CST5: variants seen among roughly 807,000 people sequenced by gnomAD.
CST5 encodes the protein cystatin-D.
A neutral mutation model predicts 11.5 loss-of-function variants in CST5; 13 were observed. The observed-to-expected ratio is 1.13, with a 90% CI of 0.73 to 1.79. The LOEUF is 1.79. Ranked by LOEUF, CST5 falls within the 40% of genes most tolerant of loss-of-function variation. The pLI, the probability that CST5 is intolerant of heterozygous loss-of-function variation, is 0.00. For missense variants in CST5, 219 were observed against 174.5 expected (o/e 1.25, Z -1.44); for synonymous variants, 81 against 67.6 (o/e 1.20, Z -0.97).
chr20:23,876,042 AG>A lies in CST5; in HGVS notation c.*145del. On this transcript the variant is annotated 3_prime_UTR_variant, in exon 3 of 3. Coordinates refer to ENST00000304710, the MANE Select transcript of CST5 (RefSeq NM_001900.5). ...GGCAGAGCCTCCTGCTGAGCAACAA[AG>A]GCCTCCTGCCACCTTCTGTGTCTGT... is the stretch of plus-strand genomic sequence containing the variant. 1.6e-6 allele frequency: 1 copy of A among 612,114 alleles called. No homozygotes were observed. The highest frequency in any genetic ancestry group is 2.9e-5 in the Admixed American group (1 of 34,824). The allele number at this position is 612,114 out of a possible 1,614,324, so 37.9% of individuals were successfully genotyped here.
chr20:23,875,952 T>C lies in CST5; in HGVS notation c.*236A>G, dbSNP rs1480053503. On this transcript the variant is annotated 3_prime_UTR_variant, in exon 3 of 3. Transcript: ENST00000304710. Reference sequence around the variant, plus strand: ...AGAGGGAGGCAATGCTACTGTTTAATTGCAGGAGGTGGGAGAGTGTGCACT... The same window carrying C: ...AGAGGGAGGCAATGCTACTGTTTAACTGCAGGAGGTGGGAGAGTGTGCACT... The C allele has an allele frequency of 2.7e-6, 1 of 376,982 alleles. No homozygotes were observed. The highest frequency in any genetic ancestry group is 4.2e-5 in the Admixed American group (1 of 23,578). The allele number at this position is 376,982 out of a possible 1,614,324, so 23.4% of individuals were successfully genotyped here. A position where few individuals can be genotyped will look rare whatever the true frequency, so the allele number is the denominator to read the frequency against.
chr20:23,876,303 G>T (rs1985960484), intron 2 of CST5, 32 bp from the exon 3 acceptor site: 2 of 1,556,996 alleles, frequency 1.3e-6, no homozygotes, highest in South Asian at 1.1e-5. Flanking sequence ...GAAAATGACT[G>T]TGGGTTACAG....
At chr20:23,878,776 C>T (rs1413396129) in intron 1 of CST5, among the ~76,000 whole-genome samples, 3 of 152,242 alleles carry the variant, frequency 2.0e-5, no homozygotes, top group Admixed American at 1.3e-4. Flanking sequence ...TGCTGCTCTG[C>T]CATGGGACGT....
intron 1 of CST5, 43 bp downstream of exon 1, chr20:23,879,403 C>T: frequency 6.5e-7 from 1 of 1,543,274 alleles, no homozygotes; most frequent in Non-Finnish European, 8.9e-7. Flanking sequence ...AGGCAAAAAA[C>T]CCAGCTGGGA....
At position 23,876,799 on chromosome 20, in the gene CST5, C is replaced by T. The variant is rs189242919; in HGVS notation, c.346-528G>A. On this transcript the variant is annotated intron_variant, in intron 2 of 2. Transcript: ENST00000304710. ...TGATGTTGGGTGAGCTGGGGCAGGT[C>T]CAGGGCTTCTCAGCTAACAGGCATT... is the stretch of plus-strand genomic sequence containing the variant. Among the ~76,000 whole-genome samples the T allele has an allele frequency of 3.1e-3, 476 of 152,260 alleles. 7 individuals carry two copies. The highest frequency in any genetic ancestry group is 4.4e-3 in the Non-Finnish European group (298 of 68,024).
Position 23,876,181 on chromosome 20 carries a change from C to G in CST5, c.*7G>C, listed in dbSNP as rs1174878025. 5.0e-6 allele frequency: 8 copies of G among 1,611,016 alleles called. No homozygotes were observed. In the Admixed American group the frequency reaches 5.0e-5, roughly 10 times the overall value. ...GGTGGTCAGTGTGACAGGCCTTGCA[C>G]AGACCCCTAGACTTTCCGGCACTTG... On this transcript the variant is annotated 3_prime_UTR_variant, in exon 3 of 3. Coordinates refer to ENST00000304710, the MANE Select transcript of CST5 (RefSeq NM_001900.5).
At chr20:23,877,366 C>T in intron 2 of CST5, 139 bp downstream of exon 2, 1 of 657,982 alleles carries the variant, frequency 1.5e-6, no homozygotes, top group Admixed American at 2.6e-5. Context: ...TACGTGGCCC[C>T]ACAAATATCT....
intron 1 of CST5, 91 bp from the exon 2 acceptor site, chr20:23,877,709 G>A: frequency 9.3e-7 from 1 of 1,071,870 alleles, no homozygotes; most frequent in East Asian, 2.5e-5. Context: ...CACTGGGCTT[G>A]CCTGGGGCTT....
intron 2 of CST5, among the ~76,000 whole-genome samples, chr20:23,876,842 C>T (rs6138155): frequency 6.6e-6 from 1 of 152,144 alleles, no homozygotes; most frequent in Non-Finnish European, 1.5e-5. Context: ...TTCTAATGTG[C>T]TCAGAGTGGC....
chr20:23,879,656 G>A lies in CST5; in HGVS notation c.21C>T (p.Thr7=). 2 of 1,613,886 alleles carry A rather than the reference G, an allele frequency of 1.2e-6. No individual in the cohort carries two copies. The highest frequency in any genetic ancestry group is 1.7e-6 in the Non-Finnish European group (2 of 1,179,866). ...TCAAGGCAGTCAGCAGCAGCAGTGG[G>A]GTGTGCATGGGCCACATCATGTTCT... MMWPMH[T]PLLLLTALMV... The change falls in exon 1 of 3, where the codon ACC becomes ACT. Residue 7 remains threonine, a synonymous_variant. Coordinates refer to ENST00000304710, the MANE Select transcript of CST5 (RefSeq NM_001900.5).
Position 23,877,579 on chromosome 20 carries a change from C to A in CST5, c.271G>T (p.Gly91Cys). 6.2e-7 allele frequency: 1 copy of A among 1,613,990 alleles called. No individual in the cohort carries two copies. Residue 91 changes from glycine to cysteine, a missense_variant, in exon 2 of 3, where the codon GGT becomes TGT. Physicochemically the swap from Gly to Cys is radical, Grantham distance 159. Transcript: ENST00000304710. The part of the protein sequence containing the change: ...GVNYYFNVKF[G>C]RTTCTKSQPN... Reference sequence around the variant, plus strand: ...TGGGACTTGGTGCATGTGGTTCGACCGAACTTCACATTGAAGTAGTAGTTC... The same window carrying A: ...TGGGACTTGGTGCATGTGGTTCGACAGAACTTCACATTGAAGTAGTAGTTC...
Position 23,879,661 on chromosome 20 carries a change from G to T in CST5, c.16C>A (p.His6Asn). Reference sequence around the variant, plus strand: ...GCAGTCAGCAGCAGCAGTGGGGTGTGCATGGGCCACATCATGTTCTACTGG... The same window carrying T: ...GCAGTCAGCAGCAGCAGTGGGGTGTTCATGGGCCACATCATGTTCTACTGG... MMWPMHTPLLLLTALM... is the reference protein window; with the variant it reads MMWPMNTPLLLLTALM... Residue 6 changes from histidine to asparagine, a missense_variant, in exon 1 of 3, where the codon CAC (histidine) becomes AAC (asparagine). Physicochemically the swap from His to Asn is moderately conservative, Grantham distance 68. Coordinates refer to ENST00000304710, the MANE Select transcript of CST5 (RefSeq NM_001900.5). 6.2e-7 allele frequency: 1 copy of T among 1,613,700 alleles called. No individual in the cohort carries two copies. Among genetic ancestry groups the T allele is most frequent in the Non-Finnish European group, 8.5e-7 (1 of 1,179,716 alleles).
rs546800201 is a variant in CST5 at position 23,877,580 on chromosome 20, G to A, written c.270C>T (p.Phe90=). ...GGGACTTGGTGCATGTGGTTCGACC[G>A]AACTTCACATTGAAGTAGTAGTTCA... The part of the protein sequence containing the change: ...GGVNYYFNVK[F]GRTTCTKSQP... The change falls in exon 2 of 3, where the codon TTC becomes TTT. Residue 90 remains phenylalanine (F), a synonymous_variant. Transcript: ENST00000304710. 27 of 1,613,932 alleles carry A rather than the reference G, an allele frequency of 1.7e-5. No homozygotes were observed. Among genetic ancestry groups the A allele is most frequent in the East Asian group, 8.9e-5 (4 of 44,864 alleles).
In CST5 at chr20:23,877,598, G is replaced by C. The variant is rs776078785; in HGVS notation, c.252C>G (p.Tyr84Ter). Residue 84 changes from tyrosine to a stop codon, truncating the protein, a stop_gained, in exon 2 of 3, where the codon TAC (tyrosine) becomes TAG (stop). Transcript: ENST00000304710. LOFTEE classifies it high-confidence loss of function. ...AYQQIVGGVN[Y>*]YFNVKFGRTT... Reference sequence around the variant, plus strand: ...TTCGACCGAACTTCACATTGAAGTAGTAGTTCACCCCACCCACGATCTACA... The same window carrying C: ...TTCGACCGAACTTCACATTGAAGTACTAGTTCACCCCACCCACGATCTACA... 2 of 1,518,954 alleles carry C rather than the reference G, an allele frequency of 1.3e-6. No homozygotes were observed. Among genetic ancestry groups the C allele is most frequent in the Non-Finnish European group, 1.8e-6 (2 of 1,134,380 alleles). The allele number at this position is 1,518,954 out of a possible 1,614,324, so 94.1% of individuals were successfully genotyped here. A position where few individuals can be genotyped will look rare whatever the true frequency, so the allele number is the denominator to read the frequency against.
At chr20:23,876,377 C>T (rs567760089) in intron 2 of CST5, 106 bp from the exon 3 acceptor site, 343 of 882,740 alleles carry the variant, frequency 3.9e-4, no homozygotes, top group Non-Finnish European at 5.4e-4. Context: ...GGAGATGAGA[C>T]ACTGCCCCCT....
In CST5 at chr20:23,879,555, T is replaced by G; in HGVS notation, c.122A>C (p.Asp41Ala). Reference protein sequence around the residue: ...AGGIHATDLNDKSVQCALDFA... With the variant: ...AGGIHATDLNAKSVQCALDFA... ...GTCCAGGGCACACTGCACACTCTTG[T>G]CATTGAGGTCTGTGGCATGGATGCC... is the stretch of plus-strand genomic sequence containing the variant. Residue 41 changes from aspartate (D) to alanine (A), a missense_variant, in exon 1 of 3, where the codon GAC (aspartate) becomes GCC (alanine). Physicochemically the swap from Asp to Ala is moderately radical, Grantham distance 126 (BLOSUM62 -2). Transcript: ENST00000304710. 1 of 1,614,074 alleles carries G rather than the reference T, an allele frequency of 6.2e-7. No individual in the cohort carries two copies.
chr20:23,879,703 C>G lies in CST5; in HGVS notation c.-27G>C. The G allele has an allele frequency of 6.3e-7, 1 of 1,599,142 alleles. No homozygotes were observed. ...TTCTACTGGGACACAGAGCAAGGAG[C>G]TGGATCTCCCAGAGAGCAAAGCAGC... On this transcript the variant is annotated 5_prime_UTR_variant, in exon 1 of 3. Transcript: ENST00000304710.
Position 23,876,376 on chromosome 20 carries a change from A to G in CST5, c.346-105T>C, listed in dbSNP as rs1199362125. Reference sequence around the variant, plus strand: ...GGGGGTGAAAATGGTTGGAGATGAGACACTGCCCCCTGACCCCAACCTACC... The same window carrying G: ...GGGGGTGAAAATGGTTGGAGATGAGGCACTGCCCCCTGACCCCAACCTACC... On this transcript the variant is annotated intron_variant, in intron 2 of 2. Transcript: ENST00000304710. 26 of 894,292 alleles carry G rather than the reference A, an allele frequency of 2.9e-5. No homozygotes were observed. The Admixed American group carries it at 3.0e-4, about 10-fold the overall frequency. The allele number at this position is 894,292 out of a possible 1,614,324, so 55.4% of individuals were successfully genotyped here.
At chr20:23,879,421 C>G (rs1437976454) in intron 1 of CST5, 25 bp downstream of exon 1, 3 of 1,591,816 alleles carry the variant, frequency 1.9e-6, no homozygotes, top group Non-Finnish European at 2.6e-6. Context: ...GGACTCAGGA[C>G]CCCCAGGGTG....
Sources: allele counts gnomAD v4.1 joint callset (sites outside exome capture counted in the v4.1 genomes callset), GRCh38; gene constraint gnomAD v4.1.1; transcripts MANE v1.5; gene names NCBI Gene and HGNC (gene_info 2026-07-23, HGNC 2026-07-21).